Variants in RBMS1 observed in about 807,000 individuals in gnomAD.
RBMS1 encodes RNA-binding motif, single-stranded-interacting protein 1.
RBMS1 carries 17 observed loss-of-function variants against 62.3 expected under a neutral mutation model. The observed-to-expected ratio is 0.27, with a 90% confidence interval of 0.19 to 0.41. The LOEUF (loss-of-function observed/expected upper bound fraction) is 0.41, where lower values mean the gene tolerates loss of function less well. RBMS1 is among the 10% of genes least tolerant of loss of function. The probability of loss-of-function intolerance (pLI) is 1.00; values close to 1 mark genes in which losing one functional copy is unlikely to be tolerated. For synonymous variants in RBMS1, 172 were observed against 170.0 expected (o/e 1.01, Z -0.09); for missense variants, 334 against 504.5 (o/e 0.66, Z 3.24).
chr2:160,306,353 G>C (rs762949021), intron 4 of RBMS1, among the ~76,000 whole-genome samples: 2 of 151,998 alleles, frequency 1.3e-5, no homozygotes, highest in Non-Finnish European at 1.5e-5. Context: ...AAAGTTTACC[G>C]ATGAGGAAAT....
At chr2:160,356,013 T>C (rs1433165651) in intron 2 of RBMS1, among the ~76,000 whole-genome samples, 2 of 152,136 alleles carry the variant, frequency 1.3e-5, no homozygotes, top group East Asian at 3.9e-4. Flanking sequence ...AGATTTATAC[T>C]TACAGCAAAA....
intron 2 of RBMS1, among the ~76,000 whole-genome samples, chr2:160,359,155 A>G (rs1488152356): frequency 1.3e-5 from 2 of 152,148 alleles, no homozygotes; most frequent in African/African-American, 4.8e-5. Flanking sequence ...GATAACACAT[A>G]AAGGGTAAAT....
chr2:160,278,758 A>G (rs571072531), intron 10 of RBMS1, 100 bp from the exon 11 acceptor site: 15 of 729,328 alleles, frequency 2.1e-5, no homozygotes, highest in Middle Eastern at 2.4e-4. Flanking sequence ...TTGTTTAAGA[A>G]TGTGAAGCAA....
In RBMS1 at chr2:160,274,239, A is replaced by G. The variant is rs1417268876; in HGVS notation, c.*533T>C. On this transcript the variant is annotated 3_prime_UTR_variant, in exon 14 of 14. Coordinates refer to ENST00000348849, the MANE Select transcript of RBMS1 (RefSeq NM_016836.4). ...GAAAGACAGAAAGCTAAGAAAAGAG[A>G]CACTGACGGCAACACTGAATTACAG... is the stretch of plus-strand genomic sequence containing the variant. The G allele has an allele frequency of 6.6e-6, 1 of 152,632 alleles. No homozygotes were observed. Among genetic ancestry groups the G allele is most frequent in the African/African-American group, 2.4e-5 (1 of 41,444 alleles). The allele number at this position is 152,632 out of a possible 1,614,324, so 9.5% of individuals were successfully genotyped here.
At chr2:160,451,171 A>AAAAAAAAT (rs1228072676) in intron 1 of RBMS1, among the ~76,000 whole-genome samples, 10 of 151,596 alleles carry the variant, frequency 6.6e-5, no homozygotes, top group Non-Finnish European at 1.3e-4. Context: ...AAAAAAAAAT[A>AAAAAAAAT]AATAAATAAA....
chr2:160,470,674 C>T (rs1351145971), intron 1 of RBMS1, among the ~76,000 whole-genome samples: 1 of 152,038 alleles, frequency 6.6e-6, no homozygotes, highest in Non-Finnish European at 1.5e-5. Flanking sequence ...TCTCCTGATA[C>T]CATCCGTGGC....
intron 2 of RBMS1, among the ~76,000 whole-genome samples, chr2:160,343,935 G>A (rs576162681): frequency 3.3e-5 from 5 of 152,014 alleles, no homozygotes; most frequent in Non-Finnish European, 5.9e-5. Flanking sequence ...CATAGGAATC[G>A]CAAATATGTT....
intron 1 of RBMS1, among the ~76,000 whole-genome samples, chr2:160,464,441 T>C (rs1427657860): frequency 6.6e-6 from 1 of 152,244 alleles, no homozygotes; most frequent in Non-Finnish European, 1.5e-5. Context: ...GTATTTTTTA[T>C]TAACATACAA....
intron 1 of RBMS1, among the ~76,000 whole-genome samples, chr2:160,491,971 G>A (rs1441694391): frequency 6.6e-6 from 1 of 152,154 alleles, no homozygotes. Flanking sequence ...GGACATTTCT[G>A]GTCTCGAAAC....
At chr2:160,399,749 G>C (rs1383573326) in intron 1 of RBMS1, among the ~76,000 whole-genome samples, 1 of 152,062 alleles carries the variant, frequency 6.6e-6, no homozygotes, top group African/African-American at 2.4e-5. Flanking sequence ...CTTCCAAAAA[G>C]GATTTATAGG....
chr2:160,400,481 C>T (rs1426442419), intron 1 of RBMS1, among the ~76,000 whole-genome samples: 2 of 151,790 alleles, frequency 1.3e-5, no homozygotes, highest in Admixed American at 1.3e-4. Context: ...ACAGTCTTGG[C>T]TTGTCACATT....
At chr2:160,426,293 A>AAGGAAG (rs1559537439) in intron 1 of RBMS1, among the ~76,000 whole-genome samples, 8 of 60,406 alleles carry the variant, frequency 1.3e-4, no homozygotes, top group Admixed American at 8.3e-4. Flanking sequence ...AAGAAAGAAA[A>AAGGAAG]GAAAGAAGGA....
At chr2:160,422,080 G>A (rs1249716594) in intron 1 of RBMS1, among the ~76,000 whole-genome samples, 1 of 152,154 alleles carries the variant, frequency 6.6e-6, no homozygotes, top group Non-Finnish European at 1.5e-5. Context: ...CTACTGTTCA[G>A]CTGTAAAAAG....
chr2:160,487,346 GCTTTCGTGGGTGCACTA>G (rs1685639350), intron 1 of RBMS1, among the ~76,000 whole-genome samples: 1 of 152,210 alleles, frequency 6.6e-6, no homozygotes, highest in Non-Finnish European at 1.5e-5. Context: ...CTGGTGTGCT[GCTTTCGTGGGTGCACTA>G]CTTTGTAAAT....
At chr2:160,416,584 A>ACCTGCC (rs981797251) in intron 1 of RBMS1, among the ~76,000 whole-genome samples, 7 of 152,120 alleles carry the variant, frequency 4.6e-5, no homozygotes, top group Admixed American at 2.6e-4. Context: ...TATTCTTACC[A>ACCTGCC]CCTGCCCCTG....
At chr2:160,466,684 C>T (rs922957223) in intron 1 of RBMS1, among the ~76,000 whole-genome samples, 1 of 152,180 alleles carries the variant, frequency 6.6e-6, no homozygotes, top group Non-Finnish European at 1.5e-5. Context: ...GACTTCTTTA[C>T]AGTTTTGATC....
chr2:160,430,668 A>G (rs1682853494), intron 1 of RBMS1, among the ~76,000 whole-genome samples: 1 of 152,218 alleles, frequency 6.6e-6, no homozygotes, highest in African/African-American at 2.4e-5. Flanking sequence ...ACCAGTTCAA[A>G]AAGTAAAAAT....
chr2:160,373,009 G>C (rs1186185965), intron 1 of RBMS1, among the ~76,000 whole-genome samples: 1 of 152,090 alleles, frequency 6.6e-6, no homozygotes, highest in East Asian at 1.9e-4. Context: ...GGATATCAAA[G>C]CTTAAAATCA....
chr2:160,439,956 G>C (rs1683335881), intron 1 of RBMS1, among the ~76,000 whole-genome samples: 1 of 152,012 alleles, frequency 6.6e-6, no homozygotes. Flanking sequence ...TCGGCAAGCT[G>C]AGGCAGGAGA....
Sources: allele counts gnomAD v4.1 joint callset (sites outside exome capture counted in the v4.1 genomes callset), GRCh38; gene constraint gnomAD v4.1.1; transcripts MANE v1.5; gene names NCBI Gene and HGNC (gene_info 2026-07-23, HGNC 2026-07-21).